Variants in PDE3A observed in about 807,000 individuals in gnomAD.
PDE3A encodes cGMP-inhibited 3',5'-cyclic phosphodiesterase 3A.
In PDE3A, 43 loss-of-function variants were observed where a neutral mutation model predicts 98.3. That is an observed-to-expected ratio of 0.44 (90% CI 0.34 to 0.56). The LOEUF is 0.56. PDE3A is among the 20% of genes least tolerant of loss of function. The pLI is 0.01. For missense variants in PDE3A, 1,427 were observed against 1,440.7 expected, an observed-to-expected ratio of 0.99 and a Z score of 0.15; for synonymous variants, 663 against 567.9, an observed-to-expected ratio of 1.17 and a Z score of -2.38.
chr12:20,514,980 T>C (rs1281894912), intron 1 of PDE3A, among the ~76,000 whole-genome samples: 3 of 152,152 alleles, frequency 2.0e-5, no homozygotes, highest in Non-Finnish European at 4.4e-5. Flanking sequence ...GATTATGATA[T>C]CAGTATCTGA....
At chr12:20,591,238 C>T (rs1943331841) in intron 2 of PDE3A, among the ~76,000 whole-genome samples, 1 of 152,096 alleles carries the variant, frequency 6.6e-6, no homozygotes, top group Non-Finnish European at 1.5e-5. Context: ...TTTGATTGTA[C>T]AGTAATATAC....
intron 1 of PDE3A, chr12:20,449,725 T>G: frequency 2.1e-6 from 1 of 476,170 alleles, no homozygotes; most frequent in Non-Finnish European, 3.8e-6. Context: ...ATTATTCAGC[T>G]AGGTCAGCCT....
intron 2 of PDE3A, among the ~76,000 whole-genome samples, chr12:20,609,040 G>C (rs1040801508): frequency 6.6e-6 from 1 of 152,008 alleles, no homozygotes; most frequent in Admixed American, 6.6e-5. Context: ...ATAATGATTA[G>C]AGATGCACTT....
intron 1 of PDE3A, among the ~76,000 whole-genome samples, chr12:20,459,911 G>T (rs1945217887): frequency 6.6e-6 from 1 of 152,214 alleles, no homozygotes; most frequent in African/African-American, 2.4e-5. Flanking sequence ...TACCACCCAA[G>T]GCTGGAGGCC....
At chr12:20,625,477 C>T (rs1248955976) in intron 5 of PDE3A, among the ~76,000 whole-genome samples, 1 of 152,078 alleles carries the variant, frequency 6.6e-6, no homozygotes, top group Non-Finnish European at 1.5e-5. Flanking sequence ...ATATAGAGAA[C>T]TTTAATCATG....
intron 1 of PDE3A, among the ~76,000 whole-genome samples, chr12:20,393,379 A>G (rs1943953959): frequency 6.6e-6 from 1 of 151,988 alleles, no homozygotes. Flanking sequence ...CACTACCACA[A>G]GAACAGAATG....
chr12:20,629,238 C>T lies in PDE3A; in HGVS notation c.1541-670C>T, dbSNP rs548701695. The stretch of plus-strand genomic sequence containing the variant: ...TCTTACAATCTAGAGTAAATACAGA[C>T]AGTTTGGCCCAAATACCCATACTTG... On this transcript the variant is annotated intron_variant, in intron 5 of 15. Transcript: ENST00000359062. Among the ~76,000 whole-genome samples the T allele has an allele frequency of 5.3e-4, 80 of 152,242 alleles. No individual in the cohort carries two copies. The South Asian group carries it at 0.016, about 30-fold the overall frequency.
intron 1 of PDE3A, among the ~76,000 whole-genome samples, chr12:20,393,297 C>T (rs1282800654): frequency 5.3e-5 from 8 of 151,804 alleles, no homozygotes; most frequent in Admixed American, 3.3e-4. Flanking sequence ...ACATAGATGG[C>T]GGCAAGCAAA....
chr12:20,505,539 G>A (rs1292183965), intron 1 of PDE3A, among the ~76,000 whole-genome samples: 1 of 151,994 alleles, frequency 6.6e-6, no homozygotes, highest in East Asian at 1.9e-4. Flanking sequence ...GTGCCATGGT[G>A]AATCTTTGCA....
Position 20,368,837 on chromosome 12 carries a change from T to C in PDE3A, c.-448T>C, listed in dbSNP as rs949335129. Among the ~76,000 whole-genome samples the C allele has an allele frequency of 6.6e-6, 1 of 151,830 alleles. No homozygotes were observed. Among genetic ancestry groups the C allele is most frequent in the Non-Finnish European group, 1.5e-5 (1 of 67,952 alleles). ...CGCAGCGCCGAGCTGCGCCTCGGAA[T>C]GGCCCGGAGCCCGCCCTGCGCCCCC... On this transcript the variant is annotated 5_prime_UTR_variant, in exon 1 of 16. The change abolishes an upstream ATG in the 5' untranslated region. Transcript: ENST00000359062.
chr12:20,640,595 A>G (rs1944624811), intron 10 of PDE3A, among the ~76,000 whole-genome samples: 1 of 152,174 alleles, frequency 6.6e-6, no homozygotes, highest in Non-Finnish European at 1.5e-5. Flanking sequence ...CACACAATCA[A>G]GTATTCAAGC....
chr12:20,575,546 G>C (rs1016205461), intron 2 of PDE3A, among the ~76,000 whole-genome samples: 12 of 151,980 alleles, frequency 7.9e-5, no homozygotes, highest in African/African-American at 2.9e-4. Context: ...GTCATCAGCT[G>C]TCTACTGGTT....
intron 2 of PDE3A, among the ~76,000 whole-genome samples, chr12:20,601,469 G>T (rs1943589649): frequency 6.6e-6 from 1 of 152,138 alleles, no homozygotes; most frequent in Admixed American, 6.5e-5. Flanking sequence ...TAAAACAAAT[G>T]GCAGTAAAGT....
chr12:20,538,020 T>A (rs1026184534), intron 1 of PDE3A, among the ~76,000 whole-genome samples: 1 of 152,146 alleles, frequency 6.6e-6, no homozygotes, highest in African/African-American at 2.4e-5. Flanking sequence ...TAATAGAAAT[T>A]GGGTCTTCTC....
chr12:20,674,822 G>A (rs990653672), intron 15 of PDE3A, among the ~76,000 whole-genome samples: 5 of 151,346 alleles, frequency 3.3e-5, no homozygotes, highest in Non-Finnish European at 7.4e-5. Context: ...TTTATTTTTG[G>A]AGGTCTTCTC....
At chr12:20,650,384 C>T in intron 13 of PDE3A, 61 bp from the exon 14 acceptor site, 1 of 1,083,662 alleles carries the variant, frequency 9.2e-7, no homozygotes, top group Admixed American at 2.1e-5. Context: ...TTGTTTTTCT[C>T]TTCTATTCAA....
chr12:20,686,076 G>C lies in PDE3A; in HGVS notation c.*5805G>C, dbSNP rs1268945529. ...ACTACTGATTATTTTCATATACTCA[G>C]AGGCTGAATATTTTGATATAATAAG... On this transcript the variant is annotated 3_prime_UTR_variant, in exon 16 of 16. Coordinates refer to ENST00000359062, the MANE Select transcript of PDE3A (RefSeq NM_000921.5). 6.6e-6 allele frequency among the ~76,000 whole-genome samples: 1 copy of C among 152,064 alleles called. No homozygotes were observed. Among genetic ancestry groups the C allele is most frequent in the Non-Finnish European group, 1.5e-5 (1 of 67,988 alleles).
In PDE3A at chr12:20,368,730, G is replaced by C. The variant is rs1943394071; in HGVS notation, c.-555G>C. On this transcript the variant is annotated 5_prime_UTR_variant, in exon 1 of 16. Coordinates refer to ENST00000359062, the MANE Select transcript of PDE3A (RefSeq NM_000921.5). ...CCGGGGAGAATCGGCCGAGGAGAAA[G>C]AAAGAGTGATAGAAAAAGAGCTGCA... Among the ~76,000 whole-genome samples the C allele has an allele frequency of 6.6e-6, 1 of 151,958 alleles. No homozygotes were observed. Among genetic ancestry groups the C allele is most frequent in the African/African-American group, 2.4e-5 (1 of 41,402 alleles).
At chr12:20,611,486 C>T (rs1044896915) in intron 2 of PDE3A, among the ~76,000 whole-genome samples, 2 of 151,766 alleles carry the variant, frequency 1.3e-5, no homozygotes, top group African/African-American at 4.8e-5. Context: ...TTTTTCTTTG[C>T]AGCCTGATAT....
Sources: allele counts gnomAD v4.1 joint callset (sites outside exome capture counted in the v4.1 genomes callset), GRCh38; gene constraint gnomAD v4.1.1; transcripts MANE v1.5; gene names NCBI Gene and HGNC (gene_info 2026-07-23, HGNC 2026-07-21).